The following AGBL1 variants were observed in gnomAD, a reference collection of about 807,000 sequenced individuals.
AGBL1 encodes the protein cytosolic carboxypeptidase 4.
A neutral mutation model predicts 118.9 loss-of-function variants in AGBL1; 130 were observed. That is an observed-to-expected ratio of 1.09 (90% CI 0.95 to 1.26). The LOEUF is 1.26. Ranked by LOEUF, AGBL1 falls within the 50% of genes most tolerant of loss-of-function variation. The pLI is 0.00. For synonymous variants in AGBL1, 555 were observed against 478.9 expected (o/e 1.16, Z -2.08); for missense variants, 1,584 against 1,298.1 (o/e 1.22, Z -3.38).
intron 19 of AGBL1, among the ~76,000 whole-genome samples, chr15:86,542,930 T>G (rs752031645): frequency 2.7e-4 from 41 of 152,226 alleles, no homozygotes; most frequent in Non-Finnish European, 4.6e-4. Flanking sequence ...ATGAACTTCG[T>G]GTAGGCAGAA....
intron 21 of AGBL1, among the ~76,000 whole-genome samples, chr15:86,575,315 A>T (rs116862686): frequency 0.017 from 2,648 of 151,786 alleles, 42 homozygotes; most frequent in East Asian, 0.047. Context: ...CCTGGGCAAC[A>T]TAGTGAGACC....
intron 22 of AGBL1, among the ~76,000 whole-genome samples, chr15:86,870,061 G>T (rs1220698240): frequency 6.6e-6 from 1 of 152,092 alleles, no homozygotes; most frequent in African/African-American, 2.4e-5. Context: ...TATTTAGACT[G>T]CAGGGCCTTT....
intron 22 of AGBL1, among the ~76,000 whole-genome samples, chr15:86,856,255 A>G (rs1287068005): frequency 6.6e-6 from 1 of 152,104 alleles, no homozygotes; most frequent in Non-Finnish European, 1.5e-5. Flanking sequence ...GAGTTTTTTG[A>G]AGGAGAAAGT....
chr15:86,849,597 CCA>C (rs143295690), intron 22 of AGBL1, among the ~76,000 whole-genome samples: 18,224 of 148,052 alleles, frequency 0.12, 1,416 homozygotes, highest in Non-Finnish European at 0.17. Flanking sequence ...ATAAAATTGC[CCA>C]AATCCTGATG....
intron 5 of AGBL1, among the ~76,000 whole-genome samples, chr15:86,166,469 G>A (rs1286171968): frequency 1.3e-5 from 2 of 152,260 alleles, no homozygotes; most frequent in African/African-American, 2.4e-5. Context: ...GGCCTCAGGC[G>A]ACCCTACACT....
At chr15:86,782,122 A>G (rs908631817) in intron 22 of AGBL1, among the ~76,000 whole-genome samples, 1 of 152,120 alleles carries the variant, frequency 6.6e-6, no homozygotes, top group Admixed American at 6.5e-5. Context: ...ACAATCTAGG[A>G]ATCAAAAATT....
rs572646723 is a variant in AGBL1, at chr15:86,924,542, T to C, written c.3222-63445T>C. Among the ~76,000 whole-genome samples the C allele has an allele frequency of 2.0e-5, 3 of 152,336 alleles. No homozygotes were observed. In the South Asian group the frequency reaches 6.2e-4, roughly 32 times the overall value. ...TGTGGAGGGTGCTCAGCAGGCATATTGTTTGTCCAGGTTCTCAGCTTATTC... is the reference window on the plus strand; with the variant it reads ...TGTGGAGGGTGCTCAGCAGGCATATCGTTTGTCCAGGTTCTCAGCTTATTC... On this transcript the variant is annotated intron_variant, in intron 23 of 24. Transcript: ENST00000441037.
chr15:86,955,215 A>T (rs72755660), intron 23 of AGBL1, among the ~76,000 whole-genome samples: 5,929 of 152,212 alleles, frequency 0.039, 159 homozygotes, highest in Middle Eastern at 0.071. Flanking sequence ...TATATATCTA[A>T]AGTCAAAATA....
intron 24 of AGBL1, among the ~76,000 whole-genome samples, chr15:86,999,673 G>A (rs1181582058): frequency 6.6e-6 from 1 of 151,070 alleles, no homozygotes; most frequent in Non-Finnish European, 1.5e-5. Flanking sequence ...TGTGAATAAT[G>A]CCACAATAAA....
At chr15:86,810,643 C>G (rs1397041840) in intron 22 of AGBL1, among the ~76,000 whole-genome samples, 1 of 152,128 alleles carries the variant, frequency 6.6e-6, no homozygotes, top group Non-Finnish European at 1.5e-5. Context: ...TCTCAGAATT[C>G]TTGAGTTCAG....
intron 17 of AGBL1, among the ~76,000 whole-genome samples, chr15:86,342,866 A>G (rs1456761382): frequency 2.0e-5 from 3 of 152,256 alleles, no homozygotes; most frequent in Non-Finnish European, 4.4e-5. Context: ...AGAAGGAAGA[A>G]TATGTTCAAA....
intron 17 of AGBL1, among the ~76,000 whole-genome samples, chr15:86,374,227 C>T (rs2081006632): frequency 6.6e-6 from 1 of 152,168 alleles, no homozygotes; most frequent in African/African-American, 2.4e-5. Flanking sequence ...TAATGGTATC[C>T]ATTGATACTT....
In AGBL1 at chr15:86,204,435, T is replaced by C. The variant is rs564328267; in HGVS notation, c.489-20479T>C. On this transcript the variant is annotated intron_variant, in intron 5 of 22. Transcript: ENST00000614907. Reference sequence around the variant, plus strand: ...TGCAGAGCCCCCTACCTGTTATCTGTGTCTCCCATCAGAGTGGTGCATTGA... The same window carrying C: ...TGCAGAGCCCCCTACCTGTTATCTGCGTCTCCCATCAGAGTGGTGCATTGA... Among the ~76,000 whole-genome samples, 23 of 152,288 alleles carry C rather than the reference T, an allele frequency of 1.5e-4. 1 individual carries two copies. The South Asian group carries it at 4.8e-3, about 32-fold the overall frequency.
At chr15:86,754,626 A>G (rs902128122) in intron 22 of AGBL1, among the ~76,000 whole-genome samples, 3 of 152,084 alleles carry the variant, frequency 2.0e-5, no homozygotes, top group South Asian at 2.1e-4. Flanking sequence ...CAAGTGAGTA[A>G]GTGCTCCTCG....
At chr15:87,013,695 C>G (rs1173636080) in intron 24 of AGBL1, among the ~76,000 whole-genome samples, 3 of 152,112 alleles carry the variant, frequency 2.0e-5, no homozygotes, top group Admixed American at 1.3e-4. Context: ...ATGCTGTCTT[C>G]TAGAAGACTT....
At chr15:86,082,360 G>T (rs1027551563) in intron 1 of AGBL1, among the ~76,000 whole-genome samples, 8 of 152,228 alleles carry the variant, frequency 5.3e-5, no homozygotes, top group Non-Finnish European at 1.0e-4. Flanking sequence ...CTCTTCTTGT[G>T]CACAAGGTGA....
At chr15:86,709,795 A>T (rs935658347) in intron 22 of AGBL1, among the ~76,000 whole-genome samples, 1 of 152,162 alleles carries the variant, frequency 6.6e-6, no homozygotes, top group African/African-American at 2.4e-5. Flanking sequence ...GATAATGATT[A>T]AACTTTTCTA....
chr15:86,849,518 T>TTTTTTC (rs1491220806), intron 22 of AGBL1, among the ~76,000 whole-genome samples: 148 of 27,022 alleles, frequency 5.5e-3, no homozygotes, highest in African/African-American at 0.011. Flanking sequence ...TCTTTCTTTC[T>TTTTTTC]TTTTTTTTTT....
intron 22 of AGBL1, among the ~76,000 whole-genome samples, chr15:86,733,994 C>A (rs530085773): frequency 1.3e-5 from 2 of 152,220 alleles, no homozygotes; most frequent in African/African-American, 4.8e-5. Flanking sequence ...CTCCAGTGAC[C>A]CCTTATACAG....
Sources: allele counts gnomAD v4.1 joint callset (sites outside exome capture counted in the v4.1 genomes callset), GRCh38; gene constraint gnomAD v4.1.1; transcripts MANE v1.5; gene names NCBI Gene and HGNC (gene_info 2026-07-23, HGNC 2026-07-21).